The following ECH1 variants were observed in gnomAD, a reference collection of about 807,000 sequenced individuals.
ECH1 encodes delta(3,5)-Delta(2,4)-dienoyl-CoA isomerase, mitochondrial.
ECH1 carries 30 observed loss-of-function variants against 37.0 expected under a neutral mutation model. That is an observed-to-expected ratio of 0.81 (90% CI 0.61 to 1.10). ECH1 has a LOEUF of 1.10. ECH1 is among the 50% of genes least tolerant of loss of function. ECH1 has a pLI of 0.00. For missense variants in ECH1, 456 were observed against 441.6 expected (o/e 1.03, Z -0.29); for synonymous variants, 178 against 176.0 (o/e 1.01, Z -0.09).
intron 3 of ECH1, chr19:38,818,475 C>G (rs1971610053): frequency 1.3e-6 from 1 of 763,608 alleles, no homozygotes; most frequent in Non-Finnish European, 1.6e-6. Flanking sequence ...TGGGTCAGAT[C>G]CTCTTTTTTT....
chr19:38,818,476 C>G, intron 3 of ECH1: 1 of 746,742 alleles, frequency 1.3e-6, no homozygotes, highest in Non-Finnish European at 1.6e-6. Context: ...GGGTCAGATC[C>G]TCTTTTTTTT....
At chr19:38,831,634 C>T (rs1426662982) in intron 1 of ECH1, 87 bp downstream of exon 1, 2 of 1,584,014 alleles carry the variant, frequency 1.3e-6, no homozygotes, top group South Asian at 1.1e-5. Flanking sequence ...TCGGGCCCTT[C>T]GTGACCCCGG....
At chr19:38,829,285 C>CG (rs1171171488) in intron 3 of ECH1, among the ~76,000 whole-genome samples, 18 of 64,242 alleles carry the variant, frequency 2.8e-4, no homozygotes, top group Non-Finnish European at 4.4e-4. Context: ...ACTCCTTCTC[C>CG]AAAAAAAAAA....
At chr19:38,824,917 A>C (rs1347940478) in intron 3 of ECH1, among the ~76,000 whole-genome samples, 1 of 152,100 alleles carries the variant, frequency 6.6e-6, no homozygotes, top group Non-Finnish European at 1.5e-5. Context: ...CTGTAGGGGG[A>C]GGGGAATTTG....
intron 3 of ECH1, among the ~76,000 whole-genome samples, chr19:38,829,320 G>A (rs1971784417): frequency 6.7e-6 from 1 of 148,858 alleles, no homozygotes; most frequent in African/African-American, 2.5e-5. Context: ...AATTAGCTAG[G>A]CCTGGTGGCG....
At position 38,831,098 on chromosome 19, in the gene ECH1, G is replaced by A. The variant is rs1971813303; in HGVS notation, c.329C>T (p.Ala110Val). Reference sequence around the variant, plus strand: ...GGTACCTGCAGTGAACATTTTTCCTGCACCAGAGATCACCACCGCCCGACA... The same window carrying A: ...GGTACCTGCAGTGAACATTTTTCCTACACCAGAGATCACCACCGCCCGACA... ...ADCRAVVISG[A>V]GKMFTAGIDL... Residue 110 changes from alanine to valine, a missense_variant, in exon 3 of 10, where the codon GCA becomes GTA. By Grantham distance (64) the Ala-to-Val change is moderately conservative. Coordinates refer to ENST00000221418, the MANE Select transcript of ECH1 (RefSeq NM_001398.3). The A allele has an allele frequency of 5.0e-6, 8 of 1,613,832 alleles. No homozygotes were observed. The highest frequency in any genetic ancestry group is 1.3e-5 in the African/African-American group (1 of 74,814).
At position 38,831,165 on chromosome 19, in the gene ECH1, C is replaced by T; in HGVS notation, c.262G>A (p.Glu88Lys). 6.2e-7 allele frequency: 1 copy of T among 1,614,150 alleles called. No homozygotes were observed. The highest frequency in any genetic ancestry group is 8.5e-7 in the Non-Finnish European group (1 of 1,180,022). Reference sequence around the variant, plus strand: ...ATCTTGTTGAAGCACTCTACCATCTCTCTGTGAAGCAACGAGTGAAGGGTT... The same window carrying T: ...ATCTTGTTGAAGCACTCTACCATCTTTCTGTGAAGCAACGAGTGAAGGGTT... The part of the protein sequence containing the change: ...RNAMNKVFWR[E>K]MVECFNKISR... The change falls in exon 3 of 10, where the codon GAG becomes AAG. Residue 88 changes from glutamate to lysine, a missense_variant and splice_region_variant. By Grantham distance (56) the Glu-to-Lys change is moderately conservative. Coordinates refer to ENST00000221418, the MANE Select transcript of ECH1 (RefSeq NM_001398.3).
rs1485194289 is a variant in ECH1, at chr19:38,816,791, C to T, written c.589-268G>A. 25 of 620,428 alleles carry T rather than the reference C, an allele frequency of 4.0e-5. No homozygotes were observed. In the East Asian group the frequency reaches 6.3e-4, roughly 16 times the overall value. The allele number at this position is 620,428 out of a possible 1,614,324, so 38.4% of individuals were successfully genotyped here. On this transcript the variant is annotated intron_variant, in intron 6 of 9. Transcript: ENST00000221418. ...GAGAGAGGAACCCTCCTCACCCTAC[C>T]TGAGACCCCTTTACTGCATCCCCCG...
At position 38,815,845 on chromosome 19, in the gene ECH1, CGT is replaced by C. The variant is rs1568355614; in HGVS notation, c.882+10_882+11del. On this transcript the variant is annotated intron_variant, in intron 9 of 9. Coordinates refer to ENST00000221418, the MANE Select transcript of ECH1 (RefSeq NM_001398.3). ...AGAGGAGGGCTGTGATTGGTCGGAG[CGT>C]GCACCTTACCACGTAGTTGAGGCTC... 3 of 1,614,122 alleles carry C rather than the reference CGT, an allele frequency of 1.9e-6. No individual in the cohort carries two copies. In the Admixed American group the frequency reaches 5.0e-5, roughly 27 times the overall value.
intron 3 of ECH1, 25 bp from the exon 4 acceptor site, chr19:38,817,600 C>T (rs759348377): frequency 6.4e-7 from 1 of 1,570,034 alleles, no homozygotes; most frequent in Non-Finnish European, 8.7e-7. Flanking sequence ...TGATGGAGCT[C>T]ATCCAGGCTC....
At chr19:38,823,582 G>A (rs1339994968) in intron 3 of ECH1, among the ~76,000 whole-genome samples, 1 of 152,202 alleles carries the variant, frequency 6.6e-6, no homozygotes, top group Non-Finnish European at 1.5e-5. Context: ...GGAGTTGGGA[G>A]CGTTGGTTTG....
intron 3 of ECH1, among the ~76,000 whole-genome samples, chr19:38,821,850 C>T (rs2145376875): frequency 6.6e-6 from 1 of 152,350 alleles, no homozygotes; most frequent in African/African-American, 2.4e-5. Flanking sequence ...GGCGCCTGGT[C>T]CCATCAACTG....
chr19:38,825,058 C>T (rs567232424), intron 3 of ECH1, among the ~76,000 whole-genome samples: 2 of 152,310 alleles, frequency 1.3e-5, no homozygotes, highest in African/African-American at 4.8e-5. Context: ...CTTTCGACCT[C>T]GCTTGGAGAG....
In ECH1 at chr19:38,831,417, G is replaced by C. The variant is rs553827986; in HGVS notation, c.152C>G (p.Pro51Arg). 4 of 1,614,050 alleles carry C rather than the reference G, an allele frequency of 2.5e-6. No individual in the cohort carries two copies. The African/African-American group carries it at 5.3e-5, about 22-fold the overall frequency. Residue 51 changes from proline (P) to arginine (R), a missense_variant, in exon 2 of 10, where the codon CCA (proline) becomes CGA (arginine). Pro to Arg is a moderately radical substitution (Grantham distance 103, BLOSUM62 -2). Transcript: ENST00000221418. ...ACGAAGGGACTCATAGCTGTGGTCT[G>C]GGGCTTCACCGAGGGCTACTCCGGA... ...EASGVALGEA[P>R]DHSYESLRVT...
chr19:38,817,627 G>C (rs780586949), intron 3 of ECH1, 52 bp from the exon 4 acceptor site: 13 of 1,538,266 alleles, frequency 8.5e-6, no homozygotes, highest in Non-Finnish European at 1.1e-5. Flanking sequence ...CCCACCCATT[G>C]ACTCAACCAG....
In ECH1 at chr19:38,817,984, C is replaced by T. The variant is rs61661045; in HGVS notation, c.350-409G>A. 8.8e-3 allele frequency among the ~76,000 whole-genome samples: 1,340 copies of T among 152,110 alleles called. 43 individuals carry two copies. In the East Asian group the frequency reaches 0.1, roughly 12 times the overall value. On this transcript the variant is annotated intron_variant, in intron 3 of 9. Coordinates refer to ENST00000221418, the MANE Select transcript of ECH1 (RefSeq NM_001398.3). ...TTATACCAGCTAGAGTGCAGTGGCA[C>T]GATCATGGCTCACTGCAGCCTCGAA...
Position 38,820,053 on chromosome 19 carries a change from CTTTTTTTTT to C in ECH1, c.350-2487_350-2479del, listed in dbSNP as rs1168608450. 173 of 139,508 alleles carry C rather than the reference CTTTTTTTTT, an allele frequency of 1.2e-3. 2 individuals carry two copies. Among genetic ancestry groups the C allele is most frequent in the African/African-American group, 7.5e-3 (153 of 20,474 alleles). 8.6% of individuals were successfully genotyped at this position (139,508 alleles called of 1,614,324 possible). On this transcript the variant is annotated intron_variant, in intron 3 of 9. Coordinates refer to ENST00000221418, the MANE Select transcript of ECH1 (RefSeq NM_001398.3). ...CAGCCTGAGGCCAAAGTCCCCCTTACTTTTTTTTTTTTTTTTTTTTTTTTTGAGATGTAG... is the reference window on the plus strand; with the variant it reads ...CAGCCTGAGGCCAAAGTCCCCCTTACTTTTTTTTTTTTTTTTGAGATGTAG...
At chr19:38,821,577 C>A (rs1228070825) in intron 3 of ECH1, among the ~76,000 whole-genome samples, 1 of 152,206 alleles carries the variant, frequency 6.6e-6, no homozygotes, top group Non-Finnish European at 1.5e-5. Context: ...AGCTCGGCGA[C>A]CCCGCACTCG....
chr19:38,817,424 A>T (rs747652133), intron 4 of ECH1, 27 bp downstream of exon 4: 1 of 1,612,200 alleles, frequency 6.2e-7, no homozygotes, highest in Admixed American at 1.7e-5. Context: ...GTATGGAGAA[A>T]GATCCCCTCC....
Sources: gnomAD v4.1 joint callset for allele counts (sites outside exome capture counted in the v4.1 genomes callset) on GRCh38, gnomAD v4.1.1 for gene constraint, MANE v1.5 for transcripts, NCBI Gene and HGNC (gene_info 2026-07-23, HGNC 2026-07-21) for gene names.